The following NTM variants were observed in gnomAD, a reference collection of about 807,000 sequenced individuals.
NTM encodes neurotrimin.
Under a neutral mutation model 42.1 loss-of-function variants are expected in NTM, and 13 were observed. The ratio of observed to expected loss-of-function variants is 0.31; its 90% CI spans 0.20 to 0.49. NTM has a LOEUF of 0.49. NTM is among the 20% of genes least tolerant of loss of function. The probability of loss-of-function intolerance (pLI) is 0.99; values close to 1 mark genes in which losing one functional copy is unlikely to be tolerated. For synonymous variants in NTM, 187 were observed against 179.2 expected (o/e 1.04, Z -0.35); for missense variants, 373 against 452.8 (o/e 0.82, Z 1.60).
chr11:131,806,128 A>G (rs1443439426), intron 1 of NTM, among the ~76,000 whole-genome samples: 2 of 152,206 alleles, frequency 1.3e-5, no homozygotes, highest in Non-Finnish European at 2.9e-5. Context: ...TTTTTTTAAA[A>G]GGTGGCCAAT....
intron 4 of NTM, among the ~76,000 whole-genome samples, chr11:132,286,240 A>C (rs1483276449): frequency 1.3e-5 from 2 of 152,210 alleles, no homozygotes; most frequent in Non-Finnish European, 2.9e-5. Flanking sequence ...ATAAAATAAG[A>C]GACTCATTCA....
intron 2 of NTM, among the ~76,000 whole-genome samples, chr11:132,009,059 C>G (rs372369867): frequency 1.3e-5 from 2 of 152,348 alleles, no homozygotes; most frequent in South Asian, 2.1e-4. Context: ...TGCACACACT[C>G]TGCTTCCCGC....
intron 1 of NTM, among the ~76,000 whole-genome samples, chr11:131,510,841 G>A (rs536601310): frequency 3.9e-4 from 60 of 152,040 alleles, no homozygotes; most frequent in Non-Finnish European, 7.4e-4. Context: ...CTTCTGCCCC[G>A]TCCTGGCTTG....
chr11:131,694,879 T>C (rs575690396), intron 1 of NTM, among the ~76,000 whole-genome samples: 2 of 152,286 alleles, frequency 1.3e-5, no homozygotes, highest in South Asian at 4.1e-4. Context: ...AATCTGGAAC[T>C]CGCAGAGAAA....
chr11:132,283,278 C>G (rs2094076188), intron 4 of NTM, among the ~76,000 whole-genome samples: 1 of 152,132 alleles, frequency 6.6e-6, no homozygotes, highest in South Asian at 2.1e-4. Flanking sequence ...AGCCACCGCT[C>G]CGGGTCAACA....
intron 1 of NTM, among the ~76,000 whole-genome samples, chr11:131,442,463 G>T (rs1258304780): frequency 6.6e-6 from 1 of 152,104 alleles, no homozygotes; most frequent in Non-Finnish European, 1.5e-5. Flanking sequence ...ATGCAGGTTT[G>T]TGTCATGGGT....
intron 8 of NTM, among the ~76,000 whole-genome samples, chr11:132,330,797 T>G (rs1157376665): frequency 6.6e-6 from 1 of 152,184 alleles, no homozygotes; most frequent in African/African-American, 2.4e-5. Flanking sequence ...TCTAATGAGA[T>G]AGAGGCAATA....
At chr11:132,268,664 C>CTGTGTGTGTGTGTGTG (rs1396992687) in intron 4 of NTM, among the ~76,000 whole-genome samples, 3 of 57,092 alleles carry the variant, frequency 5.3e-5, no homozygotes, top group African/African-American at 2.0e-4. Context: ...GGTCCTCTCT[C>CTGTGTGTGTGTGTGTG]TCTCTCTGTG....
At chr11:132,143,383 C>T (rs2069610203) in intron 2 of NTM, among the ~76,000 whole-genome samples, 1 of 152,160 alleles carries the variant, frequency 6.6e-6, no homozygotes, top group African/African-American at 2.4e-5. Flanking sequence ...TTCTGATGCA[C>T]AGTGAATTTG....
chr11:132,177,944 A>T (rs2077046664), intron 3 of NTM, among the ~76,000 whole-genome samples: 2 of 152,238 alleles, frequency 1.3e-5, no homozygotes, highest in South Asian at 2.1e-4. Context: ...TTCACTGTTG[A>T]TTATAAATGT....
At chr11:132,028,629 C>A (rs751573747) in intron 2 of NTM, among the ~76,000 whole-genome samples, 1 of 152,044 alleles carries the variant, frequency 6.6e-6, no homozygotes, top group African/African-American at 2.4e-5. Flanking sequence ...TGTGCCCCTG[C>A]GCCGTGAGCT....
intron 1 of NTM, among the ~76,000 whole-genome samples, chr11:131,804,433 G>A (rs1180535953): frequency 1.3e-5 from 2 of 151,916 alleles, no homozygotes; most frequent in African/African-American, 2.4e-5. Context: ...TAATCTTCAC[G>A]CGCACCCAGC....
At chr11:131,529,166 G>A (rs1488687232) in intron 1 of NTM, among the ~76,000 whole-genome samples, 1 of 152,184 alleles carries the variant, frequency 6.6e-6, no homozygotes, top group Non-Finnish European at 1.5e-5. Flanking sequence ...GCAGAATCCA[G>A]GCTGCGGCTA....
chr11:131,568,787 A>C (rs1425916146), intron 1 of NTM, among the ~76,000 whole-genome samples: 5 of 152,164 alleles, frequency 3.3e-5, no homozygotes, highest in Admixed American at 3.3e-4. Flanking sequence ...TGCTAATTAG[A>C]ATATGAGGGG....
chr11:132,219,491 G>A (rs2084655060), intron 4 of NTM, among the ~76,000 whole-genome samples: 1 of 151,788 alleles, frequency 6.6e-6, no homozygotes, highest in African/African-American at 2.4e-5. Flanking sequence ...CTAAAATTAA[G>A]TCTCTCTTAA....
chr11:131,444,095 T>C (rs1949830388), intron 1 of NTM, among the ~76,000 whole-genome samples: 1 of 149,148 alleles, frequency 6.7e-6, no homozygotes. Flanking sequence ...AAAACTTACA[T>C]AGTTAGTTAA....
At chr11:131,966,868 G>A (rs1236891523) in intron 2 of NTM, among the ~76,000 whole-genome samples, 1 of 152,204 alleles carries the variant, frequency 6.6e-6, no homozygotes, top group African/African-American at 2.4e-5. Flanking sequence ...ATAGGAAGCT[G>A]CTGCTGTTGT....
In NTM at chr11:132,119,549, C is replaced by G. The variant is rs531731086; in HGVS notation, c.168-26733C>G. On this transcript the variant is annotated intron_variant, in intron 2 of 8. Coordinates refer to ENST00000683400, the MANE Select transcript of NTM (RefSeq NM_001352005.2). ...TGAAGATGAGCCTGGGAATAATTAA[C>G]CTTCTTACCGTTCAATCAGGACGGG... Among the ~76,000 whole-genome samples, 16 of 152,298 alleles carry G rather than the reference C, an allele frequency of 1.1e-4. No homozygotes were observed. In the South Asian group the frequency reaches 3.1e-3, roughly 30 times the overall value.
intron 1 of NTM, among the ~76,000 whole-genome samples, chr11:131,639,498 G>T (rs143330901): frequency 6.6e-6 from 1 of 152,162 alleles, no homozygotes; most frequent in South Asian, 2.1e-4. Flanking sequence ...ATCCTACCTC[G>T]TAGGTCAGAT....
Sources: gnomAD v4.1 joint callset for allele counts (sites outside exome capture counted in the v4.1 genomes callset) on GRCh38, gnomAD v4.1.1 for gene constraint, MANE v1.5 for transcripts, NCBI Gene and HGNC (gene_info 2026-07-23, HGNC 2026-07-21) for gene names.